Variants in KANSL2 observed in about 807,000 individuals in gnomAD.
The protein encoded by KANSL2 is KAT8 regulatory NSL complex subunit 2, also known as NSL complex protein NSL2.
Under a neutral mutation model 55.6 loss-of-function variants are expected in KANSL2, and 34 were observed. That is an observed-to-expected ratio of 0.61 (90% CI 0.46 to 0.81). The LOEUF (loss-of-function observed/expected upper bound fraction) is 0.81, where lower values mean the gene tolerates loss of function less well. Among genes scored for constraint, KANSL2 ranks in the 40% least tolerant of loss-of-function variants. The probability of loss-of-function intolerance (pLI) is 0.00; values close to 1 mark genes in which losing one functional copy is unlikely to be tolerated. For synonymous variants in KANSL2, 209 were observed against 214.3 expected, an observed-to-expected ratio of 0.98 and a Z score of 0.22; for missense variants, 502 against 609.9, an observed-to-expected ratio of 0.82 and a Z score of 1.86.
intron 4 of KANSL2, among the ~76,000 whole-genome samples, chr12:48,674,168 T>C (rs1047057502): frequency 6.6e-6 from 1 of 152,122 alleles, no homozygotes; most frequent in Non-Finnish European, 1.5e-5. Context: ...TAAGACAGAG[T>C]CTTGCTCTGT....
At chr12:48,672,140 T>C (rs1939725260) in intron 4 of KANSL2, among the ~76,000 whole-genome samples, 178 bp from the exon 5 acceptor site, 2 of 151,690 alleles carry the variant, frequency 1.3e-5, no homozygotes, top group East Asian at 1.9e-4. Flanking sequence ...AAAGAGAAAA[T>C]CTCCAAGAAA....
intron 8 of KANSL2, 88 bp from the exon 9 acceptor site, chr12:48,655,148 C>A: frequency 1.5e-6 from 2 of 1,297,294 alleles, no homozygotes; most frequent in South Asian, 1.4e-5. Context: ...AAGCAATACT[C>A]TGCTGTCTCC....
chr12:48,680,643 TCATGGAC>T (rs1939905017), intron 2 of KANSL2, among the ~76,000 whole-genome samples: 3 of 152,082 alleles, frequency 2.0e-5, no homozygotes, highest in Admixed American at 2.0e-4. Context: ...TTAACAAAAT[TCATGGAC>T]AGCCAAATAG....
intron 8 of KANSL2, among the ~76,000 whole-genome samples, chr12:48,657,674 T>C (rs999718184): frequency 2.0e-5 from 3 of 151,964 alleles, no homozygotes; most frequent in African/African-American, 7.2e-5. Context: ...TGGAGTGCAA[T>C]GGCAAGATCT....
At chr12:48,657,604 TTGTG>T (rs66499642) in intron 8 of KANSL2, among the ~76,000 whole-genome samples, 14 of 149,598 alleles carry the variant, frequency 9.4e-5, no homozygotes, top group African/African-American at 3.0e-4. Flanking sequence ...TATGTGCAAT[TTGTG>T]TGTGTGTGTG....
Position 48,682,219 on chromosome 12 carries a change from G to C in KANSL2, c.-42C>G. ...GCTGCGCTGCGCCGCACTCTGCCGC[G>C]CCGCTCGCCCTTCTCTAGTGGCGCC... is the stretch of plus-strand genomic sequence containing the variant. On this transcript the variant is annotated 5_prime_UTR_variant, in exon 1 of 10. Transcript: ENST00000420613. The C allele has an allele frequency of 1.5e-6, 1 of 645,754 alleles. No homozygotes were observed. Among genetic ancestry groups the C allele is most frequent in the South Asian group, 1.7e-5 (1 of 59,170 alleles). 40.0% of individuals were successfully genotyped at this position (645,754 alleles called of 1,614,324 possible).
Position 48,669,215 on chromosome 12 carries a change from T to C in KANSL2, c.767A>G (p.Lys256Arg), listed in dbSNP as rs1939660832. 2 of 1,568,502 alleles carry C rather than the reference T, an allele frequency of 1.3e-6. No homozygotes were observed. The highest frequency in any genetic ancestry group is 2.3e-5 in the South Asian group (2 of 85,210). ...GLLAKERENL[K>R]RLKCLRRYRQ... Reference sequence around the variant, plus strand: ...GTATCGTCGCAGACATTTTAATCGCTTTAAGTTCTCTCGTTCTTTGGCCAA... The same window carrying C: ...GTATCGTCGCAGACATTTTAATCGCCTTAAGTTCTCTCGTTCTTTGGCCAA... Residue 256 changes from lysine to arginine, a missense_variant, in exon 6 of 10, where the codon AAG becomes AGG. Coordinates refer to ENST00000420613, the MANE Select transcript of KANSL2 (RefSeq NM_017822.4).
rs144892904 is a variant in KANSL2, at chr12:48,678,892, A to C, written c.545+144T>G. On this transcript the variant is annotated intron_variant, in intron 4 of 9. Coordinates refer to ENST00000420613, the MANE Select transcript of KANSL2 (RefSeq NM_017822.4). ...CCTTGAAGCAAGACGACAATGAACC[A>C]TGCCACTTTTATATACAGAACCTCT... is the stretch of plus-strand genomic sequence containing the variant. 2.6e-4 allele frequency: 147 copies of C among 571,700 alleles called. 1 individual carries two copies. The African/African-American group carries it at 2.6e-3, about 10-fold the overall frequency. 35.4% of individuals were successfully genotyped at this position (571,700 alleles called of 1,614,324 possible).
rs1555155470 is a variant in KANSL2 at position 48,672,433 on chromosome 12, A to ATTT, written c.546-474_546-472dup. On this transcript the variant is annotated intron_variant, in intron 4 of 9. Transcript: ENST00000420613. ...CGTATATATATATATATATATATATATTTTTTTTTTGAGATAAGGTCTCAC... is the reference window on the plus strand; with the variant it reads ...CGTATATATATATATATATATATATATTTTTTTTTTTTTGAGATAAGGTCTCAC... 7.0e-4 allele frequency among the ~76,000 whole-genome samples: 84 copies of ATTT among 120,372 alleles called. 3 individuals carry two copies. The highest frequency in any genetic ancestry group is 2.9e-3 in the African/African-American group (80 of 27,624). 79.0% of individuals were successfully genotyped at this position (120,372 alleles called of 152,430 possible).
chr12:48,672,388 TAC>T (rs1482591817), intron 4 of KANSL2, among the ~76,000 whole-genome samples: 2 of 141,272 alleles, frequency 1.4e-5, no homozygotes, highest in Non-Finnish European at 1.5e-5. Context: ...TATATATATA[TAC>T]ATGTATATAT....
chr12:48,655,050 A>G lies in KANSL2; in HGVS notation c.1238T>C (p.Val413Ala). ...AGGACACTGCATACCATCACCCACA[A>G]CATCCAAGTCCTAGAAAAAAGAGAA... is the stretch of plus-strand genomic sequence containing the variant. The part of the protein sequence containing the change: ...LPLEFSDDLD[V>A]VGDGMQCPPS... Residue 413 changes from valine (V) to alanine (A), a missense_variant, in exon 9 of 10, where the codon GTT (valine) becomes GCT (alanine). By Grantham distance (64) the Val-to-Ala change is moderately conservative. Coordinates refer to ENST00000420613, the MANE Select transcript of KANSL2 (RefSeq NM_017822.4). 6.3e-7 allele frequency: 1 copy of G among 1,577,788 alleles called. No homozygotes were observed. The highest frequency in any genetic ancestry group is 8.6e-7 in the Non-Finnish European group (1 of 1,161,510).
intron 4 of KANSL2, among the ~76,000 whole-genome samples, chr12:48,677,791 A>AG (rs1206119064): frequency 1.4e-5 from 2 of 147,332 alleles, no homozygotes; most frequent in Non-Finnish European, 3.0e-5. Context: ...TCTCAAAAAA[A>AG]AAAAAAAAAA....
At chr12:48,669,567 G>A (rs1270563518) in intron 5 of KANSL2, among the ~76,000 whole-genome samples, 1 of 151,742 alleles carries the variant, frequency 6.6e-6, no homozygotes, top group African/African-American at 2.4e-5. Context: ...GTCCAGGCTG[G>A]AGTGCAGTGG....
At chr12:48,670,512 T>C (rs896764595) in intron 5 of KANSL2, among the ~76,000 whole-genome samples, 1 of 152,184 alleles carries the variant, frequency 6.6e-6, no homozygotes, top group African/African-American at 2.4e-5. Context: ...ATGTACGTGT[T>C]TGCATCTTAG....
chr12:48,674,957 TTAAA>T (rs1448080519), intron 4 of KANSL2, among the ~76,000 whole-genome samples: 6 of 143,388 alleles, frequency 4.2e-5, no homozygotes, highest in East Asian at 4.2e-4. Context: ...AATAAACAAA[TTAAA>T]TAAATAAATA....
intron 5 of KANSL2, among the ~76,000 whole-genome samples, chr12:48,669,521 ATTTT>A (rs962237578): frequency 6.7e-6 from 1 of 149,440 alleles, no homozygotes; most frequent in Non-Finnish European, 1.5e-5. Context: ...TGGAAAAAAA[ATTTT>A]TTTTTTTTTT....
intron 3 of KANSL2, among the ~76,000 whole-genome samples, 167 bp downstream of exon 3, chr12:48,679,488 A>C (rs1238642244): frequency 1.3e-5 from 2 of 152,222 alleles, no homozygotes; most frequent in Non-Finnish European, 2.9e-5. Flanking sequence ...GGCAAACACA[A>C]CTTCAAATTC....
intron 4 of KANSL2, among the ~76,000 whole-genome samples, chr12:48,676,375 G>C (rs1939821519): frequency 6.6e-6 from 1 of 152,094 alleles, no homozygotes; most frequent in Admixed American, 6.6e-5. Flanking sequence ...CAAAGTGCTA[G>C]GATCACTGGG....
intron 4 of KANSL2, among the ~76,000 whole-genome samples, chr12:48,678,620 T>A (rs867199802): frequency 6.6e-6 from 1 of 152,176 alleles, no homozygotes; most frequent in Non-Finnish European, 1.5e-5. Context: ...CTTTAAAAAA[T>A]TTATAAATCC....
Sources: allele counts gnomAD v4.1 joint callset (sites outside exome capture counted in the v4.1 genomes callset), GRCh38; gene constraint gnomAD v4.1.1; transcripts MANE v1.5; gene names NCBI Gene and HGNC (gene_info 2026-07-23, HGNC 2026-07-21).